PITPNB: variants seen among roughly 807,000 people sequenced by gnomAD.
PITPNB encodes phosphatidylinositol transfer protein beta isoform.
In PITPNB, 16 loss-of-function variants were observed where a neutral mutation model predicts 45.9. That is an observed-to-expected ratio of 0.35 (90% CI 0.24 to 0.53). PITPNB has a LOEUF of 0.53. Among genes scored for constraint, PITPNB ranks in the 20% least tolerant of loss-of-function variants. The pLI is 0.93. For missense variants in PITPNB, 188 were observed against 330.5 expected, an observed-to-expected ratio of 0.57 and a Z score of 3.34; for synonymous variants, 112 against 108.9, an observed-to-expected ratio of 1.03 and a Z score of -0.18.
intron 1 of PITPNB, among the ~76,000 whole-genome samples, chr22:27,915,786 G>A (rs1936058372): frequency 6.6e-6 from 1 of 152,112 alleles, no homozygotes; most frequent in East Asian, 1.9e-4. Context: ...ATAAAATGAG[G>A]GAGAGGAAGA....
At chr22:27,896,271 G>A (rs1473927854) in intron 6 of PITPNB, among the ~76,000 whole-genome samples, 1 of 152,142 alleles carries the variant, frequency 6.6e-6, no homozygotes, top group African/African-American at 2.4e-5. Flanking sequence ...GGCTAAAATT[G>A]GGCTGGGGAT....
intron 7 of PITPNB, among the ~76,000 whole-genome samples, chr22:27,874,914 T>C (rs1191548714): frequency 6.6e-6 from 1 of 152,180 alleles, no homozygotes; most frequent in Non-Finnish European, 1.5e-5. Context: ...ATCACTGTTC[T>C]AGAGATAAGG....
rs1052780831 is a variant in PITPNB, at chr22:27,854,034, C to A, written c.*39-371G>T. ...TTGGCACAACTAGCTTTTCTCACAA[C>A]TGAACATTTCATTCATCCCAATGTT... On this transcript the variant is annotated intron_variant, in intron 11 of 11. Coordinates refer to ENST00000335272, the MANE Select transcript of PITPNB (RefSeq NM_012399.5). Among the ~76,000 whole-genome samples, 11 of 152,020 alleles carry A rather than the reference C, an allele frequency of 7.2e-5. No individual in the cohort carries two copies. In the East Asian group the frequency reaches 2.1e-3, roughly 29 times the overall value.
At chr22:27,913,010 G>C (rs1021105451) in intron 2 of PITPNB, among the ~76,000 whole-genome samples, 3 of 150,692 alleles carry the variant, frequency 2.0e-5, no homozygotes, top group African/African-American at 4.9e-5. Context: ...AAAAGGTGGG[G>C]GGGGGAGTAT....
chr22:27,854,839 C>A lies in PITPNB; in HGVS notation c.*38+15G>T. 1 of 1,547,258 alleles carries A rather than the reference C, an allele frequency of 6.5e-7. No homozygotes were observed. Among genetic ancestry groups the A allele is most frequent in the Non-Finnish European group, 8.9e-7 (1 of 1,122,714 alleles). Reference sequence around the variant, plus strand: ...ACAGGTTTCGAAACATCTTTTTACCCAGGTCTTCACTTACACAGTTTGACA... The same window carrying A: ...ACAGGTTTCGAAACATCTTTTTACCAAGGTCTTCACTTACACAGTTTGACA... On this transcript the variant is annotated intron_variant, in intron 11 of 11. Transcript: ENST00000335272.
In PITPNB at chr22:27,894,696, A is replaced by G. The variant is rs545461268; in HGVS notation, c.373-58T>C. On this transcript the variant is annotated intron_variant, in intron 6 of 11. Coordinates refer to ENST00000335272, the MANE Select transcript of PITPNB (RefSeq NM_012399.5). Reference sequence around the variant, plus strand: ...AACTGTAGATTATTCTATTATGCTTACACATATAATCTTTATCTTGAGTCT... The same window carrying G: ...AACTGTAGATTATTCTATTATGCTTGCACATATAATCTTTATCTTGAGTCT... 4.4e-4 allele frequency: 430 copies of G among 979,634 alleles called. 5 individuals are homozygous for G. In the South Asian group the frequency reaches 5.6e-3, roughly 13 times the overall value. 60.7% of individuals were successfully genotyped at this position (979,634 alleles called of 1,614,324 possible). A position where few individuals can be genotyped will look rare whatever the true frequency, so the allele number is the denominator to read the frequency against.
chr22:27,910,710 T>C, intron 3 of PITPNB: 1 of 355,390 alleles, frequency 2.8e-6, no homozygotes, highest in Non-Finnish European at 5.1e-6. Context: ...CTGCTTCTAG[T>C]GTTTCTCTCT....
At chr22:27,868,987 T>C (rs1389460624) in intron 8 of PITPNB, among the ~76,000 whole-genome samples, 2 of 151,990 alleles carry the variant, frequency 1.3e-5, no homozygotes, top group Non-Finnish European at 2.9e-5. Flanking sequence ...ACCATAATCG[T>C]CAAAGGTAGT....
At chr22:27,906,306 G>C (rs1043455406) in intron 3 of PITPNB, among the ~76,000 whole-genome samples, 2 of 152,152 alleles carry the variant, frequency 1.3e-5, no homozygotes, top group African/African-American at 4.8e-5. Context: ...TATACAATTG[G>C]GAATCTTAAA....
rs1935480149 is a variant in PITPNB at position 27,897,911 on chromosome 22, T to C, written c.198-19A>G. 1 of 1,517,616 alleles carries C rather than the reference T, an allele frequency of 6.6e-7. No homozygotes were observed. Among genetic ancestry groups the C allele is most frequent in the Non-Finnish European group, 9.2e-7 (1 of 1,092,206 alleles). The allele number at this position is 1,517,616 out of a possible 1,614,324, so 94.0% of individuals were successfully genotyped here. A position where few individuals can be genotyped will look rare whatever the true frequency, so the allele number is the denominator to read the frequency against. Reference sequence around the variant, plus strand: ...CACTTTGCTGGGAGAAGAGAGATACTGGATATATTTAACAGCACCATCAAT... The same window carrying C: ...CACTTTGCTGGGAGAAGAGAGATACCGGATATATTTAACAGCACCATCAAT... On this transcript the variant is annotated intron_variant, in intron 3 of 11. Coordinates refer to ENST00000335272, the MANE Select transcript of PITPNB (RefSeq NM_012399.5).
chr22:27,872,081 GTTTT>G (rs58288724), intron 8 of PITPNB, among the ~76,000 whole-genome samples: 4,677 of 64,770 alleles, frequency 0.072, 164 homozygotes, highest in Middle Eastern at 0.15. Context: ...ATTAAGCCTG[GTTTT>G]TTTTTTTTTT....
chr22:27,894,072 C>T (rs1935366744), intron 7 of PITPNB: 1 of 152,278 alleles, frequency 6.6e-6, no homozygotes, highest in East Asian at 1.9e-4. Context: ...AATTAAAATA[C>T]TCTACACCTA....
At chr22:27,910,272 T>C (rs1028661433) in intron 3 of PITPNB, among the ~76,000 whole-genome samples, 13 of 151,934 alleles carry the variant, frequency 8.6e-5, no homozygotes, top group African/African-American at 2.9e-4. Flanking sequence ...GTTGTTGTTG[T>C]TGTACTAGAG....
intron 3 of PITPNB, among the ~76,000 whole-genome samples, chr22:27,900,125 G>A (rs1158084981): frequency 6.6e-6 from 1 of 151,950 alleles, no homozygotes; most frequent in African/African-American, 2.4e-5. Context: ...GCTTGAACCT[G>A]GGAGGTGGAG....
rs749501935 is a variant in PITPNB, at chr22:27,897,115, AAT to A, written c.297+13_297+14del. 16 of 1,549,222 alleles carry A rather than the reference AAT, an allele frequency of 1.0e-5. No individual in the cohort carries two copies. In the South Asian group the frequency reaches 1.8e-4, roughly 17 times the overall value. On this transcript the variant is annotated intron_variant, in intron 5 of 11. Coordinates refer to ENST00000335272, the MANE Select transcript of PITPNB (RefSeq NM_012399.5). Reference sequence around the variant, plus strand: ...AGATAAAGAAAGTATGAGACACAAAAATAGTTTTACTCACCGTTACAACTGAG... The same window carrying A: ...AGATAAAGAAAGTATGAGACACAAAAAGTTTTACTCACCGTTACAACTGAG...
chr22:27,897,510 C>T (rs1274300839), intron 4 of PITPNB, among the ~76,000 whole-genome samples: 2 of 152,150 alleles, frequency 1.3e-5, no homozygotes, highest in Non-Finnish European at 2.9e-5. Flanking sequence ...TTGAAACACA[C>T]CAAAACACCC....
chr22:27,916,897 A>G (rs1936094427), intron 1 of PITPNB, among the ~76,000 whole-genome samples: 1 of 152,234 alleles, frequency 6.6e-6, no homozygotes, highest in Non-Finnish European at 1.5e-5. Context: ...TAAGCTATTC[A>G]TTGCTCCTAA....
intron 8 of PITPNB, 166 bp from the exon 9 acceptor site, chr22:27,860,407 G>C: frequency 1.9e-6 from 1 of 532,302 alleles, no homozygotes; most frequent in South Asian, 2.6e-5. Flanking sequence ...AAAAGCCGCA[G>C]TATTCCCCTG....
At chr22:27,910,873 T>G (rs1039930238) in intron 3 of PITPNB, 91 bp downstream of exon 3, 8 of 831,386 alleles carry the variant, frequency 9.6e-6, no homozygotes, top group Non-Finnish European at 1.6e-5. Flanking sequence ...AAATTAAAAA[T>G]GTACTTCACA....
Sources: allele counts gnomAD v4.1 joint callset (sites outside exome capture counted in the v4.1 genomes callset), GRCh38; gene constraint gnomAD v4.1.1; transcripts MANE v1.5; gene names NCBI Gene and HGNC (gene_info 2026-07-23, HGNC 2026-07-21).